The following OMA1 variants were observed in gnomAD, a reference collection of about 807,000 sequenced individuals.
The protein encoded by OMA1 is OMA1 zinc metallopeptidase.
A neutral mutation model predicts 30.9 loss-of-function variants in OMA1; 38 were observed. The ratio of observed to expected loss-of-function variants is 1.23; its 90% CI spans 0.95 to 1.61. The LOEUF is 1.61. Among genes scored for constraint, OMA1 ranks in the 40% most tolerant of loss-of-function variants. The pLI is 0.00. For synonymous variants in OMA1, 173 were observed against 121.9 expected, an observed-to-expected ratio of 1.42 and a Z score of -2.76; for missense variants, 461 against 349.2, an observed-to-expected ratio of 1.32 and a Z score of -2.55.
intron 7 of OMA1, among the ~76,000 whole-genome samples, chr1:58,513,603 A>G (rs1320320996): frequency 2.0e-5 from 3 of 152,198 alleles, no homozygotes; most frequent in Admixed American, 2.0e-4. Flanking sequence ...TGGTCCTAGA[A>G]TATTTTTTGA....
intron 6 of OMA1, among the ~76,000 whole-genome samples, chr1:58,529,892 T>C (rs1476174452): frequency 6.6e-6 from 1 of 152,166 alleles, no homozygotes; most frequent in African/African-American, 2.4e-5. Context: ...TATTTTTATT[T>C]TTTTTTGAGA....
chr1:58,491,953 A>G (rs1055282476), intron 8 of OMA1, among the ~76,000 whole-genome samples: 1 of 152,222 alleles, frequency 6.6e-6, no homozygotes, highest in African/African-American at 2.4e-5. Context: ...CCAAATCAAC[A>G]GAATATACAT....
chr1:58,530,525 A>G, intron 6 of OMA1, 76 bp downstream of exon 6: 1 of 751,238 alleles, frequency 1.3e-6, no homozygotes, highest in African/African-American at 1.7e-5. Context: ...ACATCTCTGG[A>G]TTTGCTGCTT....
At chr1:58,508,551 A>G (rs947631277) in intron 7 of OMA1, among the ~76,000 whole-genome samples, 10 of 152,160 alleles carry the variant, frequency 6.6e-5, no homozygotes, top group Non-Finnish European at 1.3e-4. Context: ...CCCCCAATAC[A>G]GCACCATATG....
intron 1 of OMA1, among the ~76,000 whole-genome samples, chr1:58,539,854 C>T (rs544837521): frequency 6.4e-4 from 98 of 152,136 alleles, no homozygotes; most frequent in African/African-American, 2.1e-3. Flanking sequence ...TCCCCTAAAT[C>T]GAAGAGATAA....
intron 6 of OMA1, among the ~76,000 whole-genome samples, chr1:58,530,251 C>A (rs1344479058): frequency 6.6e-6 from 1 of 152,104 alleles, no homozygotes; most frequent in Non-Finnish European, 1.5e-5. Context: ...GTCCTGTATA[C>A]CAAGGGACAG....
chr1:58,544,372 A>G (rs2100505540), intron 1 of OMA1, among the ~76,000 whole-genome samples: 1 of 152,292 alleles, frequency 6.6e-6, no homozygotes, highest in South Asian at 2.1e-4. Flanking sequence ...ACCCTCCCCA[A>G]TTTGCAAAAA....
chr1:58,541,614 C>CAAAAAAAAAAAAAAAAAAAAAA (rs60360589), intron 1 of OMA1: 10 of 65,628 alleles, frequency 1.5e-4, no homozygotes, highest in South Asian at 1.5e-3. Flanking sequence ...GAGAACCTGT[C>CAAAAAAAAAAAAAAAAAAAAAA]AAAAAAAAAA....
intron 6 of OMA1, among the ~76,000 whole-genome samples, chr1:58,528,289 T>C (rs1322869633): frequency 6.6e-6 from 1 of 152,234 alleles, no homozygotes; most frequent in Non-Finnish European, 1.5e-5. Flanking sequence ...GTCCAAATAC[T>C]GTTAACTTAT....
intron 7 of OMA1, among the ~76,000 whole-genome samples, chr1:58,523,151 T>C (rs1368231886): frequency 6.6e-6 from 1 of 152,208 alleles, no homozygotes; most frequent in Non-Finnish European, 1.5e-5. Flanking sequence ...CACGGTTAAT[T>C]CCCCTGATAA....
chr1:58,534,502 A>G (rs1277479054), intron 3 of OMA1, among the ~76,000 whole-genome samples, 171 bp from the exon 4 acceptor site: 1 of 152,270 alleles, frequency 6.6e-6, no homozygotes, highest in East Asian at 1.9e-4. Flanking sequence ...TCATGCAAAG[A>G]CAATGTGGTT....
chr1:58,538,317 T>C (rs997089881), intron 2 of OMA1, among the ~76,000 whole-genome samples: 1 of 152,166 alleles, frequency 6.6e-6, no homozygotes, highest in Admixed American at 6.5e-5. Flanking sequence ...ATTAATGACT[T>C]AAGAGTTAAC....
At chr1:58,489,517 C>T (rs1032695360) in intron 8 of OMA1, among the ~76,000 whole-genome samples, 1 of 152,168 alleles carries the variant, frequency 6.6e-6, no homozygotes, top group African/African-American at 2.4e-5. Context: ...CCTCTGGGGG[C>T]AGGGCATAGC....
At chr1:58,543,805 C>CA (rs1646659103) in intron 1 of OMA1, among the ~76,000 whole-genome samples, 1 of 152,150 alleles carries the variant, frequency 6.6e-6, no homozygotes, top group Non-Finnish European at 1.5e-5. Flanking sequence ...GTGGCAAACT[C>CA]AAACGTCTAA....
chr1:58,523,696 G>A (rs893172050), intron 7 of OMA1, among the ~76,000 whole-genome samples: 3 of 152,072 alleles, frequency 2.0e-5, no homozygotes, highest in African/African-American at 7.2e-5. Flanking sequence ...TCAGGAGATC[G>A]AGACCATCCT....
At chr1:58,493,460 A>C (rs1645736052) in intron 8 of OMA1, among the ~76,000 whole-genome samples, 1 of 151,770 alleles carries the variant, frequency 6.6e-6, no homozygotes, top group South Asian at 2.1e-4. Context: ...TCAATTAGGA[A>C]AAGAGCAAGT....
intron 7 of OMA1, among the ~76,000 whole-genome samples, chr1:58,522,868 C>T (rs1646288784): frequency 6.6e-6 from 1 of 152,134 alleles, no homozygotes; most frequent in African/African-American, 2.4e-5. Context: ...TGTCTCCATC[C>T]TTATCTTCAC....
intron 8 of OMA1, among the ~76,000 whole-genome samples, chr1:58,488,301 T>C (rs1229320907): frequency 6.6e-6 from 1 of 152,232 alleles, no homozygotes; most frequent in Admixed American, 6.5e-5. Flanking sequence ...GTTCTGATGA[T>C]TGGAACCATA....
rs377112279 is a variant in OMA1 at position 58,486,106 on chromosome 1, T to C, written c.1366-4932A>G. ...GGTATTTTACACATCTAAATTGACA[T>C]TGGAATTTGAACCACTTTTGAAATC... is the stretch of plus-strand genomic sequence containing the variant. On this transcript the variant is annotated intron_variant, in intron 8 of 8. Coordinates refer to ENST00000371226, the MANE Select transcript of OMA1 (RefSeq NM_145243.5). Among the ~76,000 whole-genome samples, 86 of 152,340 alleles carry C rather than the reference T, an allele frequency of 5.6e-4. No homozygotes were observed. In the East Asian group the frequency reaches 7.1e-3, roughly 13 times the overall value.
Sources: gnomAD v4.1 joint callset for allele counts (sites outside exome capture counted in the v4.1 genomes callset) on GRCh38, gnomAD v4.1.1 for gene constraint, MANE v1.5 for transcripts, NCBI Gene and HGNC (gene_info 2026-07-23, HGNC 2026-07-21) for gene names.